Variants in HDHD2 observed in about 807,000 individuals in gnomAD.
The protein encoded by HDHD2 is haloacid dehalogenase like hydrolase domain containing 2.
Under a neutral mutation model 24.8 loss-of-function variants are expected in HDHD2, and 26 were observed. The observed-to-expected ratio is 1.05, with a 90% confidence interval of 0.77 to 1.45. The LOEUF is 1.45. HDHD2 is among the 40% of genes most tolerant of loss of function. The pLI is 0.00. For missense variants in HDHD2, 299 were observed against 313.4 expected (o/e 0.95, Z 0.35); for synonymous variants, 128 against 114.9 (o/e 1.11, Z -0.73).
intron 1 of HDHD2, among the ~76,000 whole-genome samples, chr18:47,148,067 T>G (rs990514814): frequency 6.6e-6 from 1 of 151,184 alleles, no homozygotes; most frequent in African/African-American, 2.4e-5. Flanking sequence ...CTCAGCTCAC[T>G]GCAACCTCTG....
At chr18:47,126,988 C>T (rs988211618) in intron 4 of HDHD2, among the ~76,000 whole-genome samples, 6 of 152,054 alleles carry the variant, frequency 3.9e-5, no homozygotes, top group South Asian at 2.1e-4. Context: ...GGTGAAACCC[C>T]GTCTCTACTA....
chr18:47,137,965 G>A (rs1385660519), intron 1 of HDHD2, among the ~76,000 whole-genome samples: 4 of 151,396 alleles, frequency 2.6e-5, no homozygotes, highest in East Asian at 3.9e-4. Flanking sequence ...TCAGGAGTTC[G>A]AGACCAGCGT....
chr18:47,110,805 T>A, intron 6 of HDHD2: 1 of 985,056 alleles, frequency 1.0e-6, no homozygotes, highest in Non-Finnish European at 1.2e-6. Flanking sequence ...AGAAAGATCC[T>A]ATTTTTTTTC....
At chr18:47,142,760 C>T (rs763162651) in intron 1 of HDHD2, among the ~76,000 whole-genome samples, 4 of 152,186 alleles carry the variant, frequency 2.6e-5, no homozygotes, top group Non-Finnish European at 4.4e-5. Flanking sequence ...AACCACCCCT[C>T]ACCCCTTTCT....
chr18:47,124,706 C>CAAAAAAAAA (rs34350751), intron 4 of HDHD2, among the ~76,000 whole-genome samples: 4 of 43,340 alleles, frequency 9.2e-5, no homozygotes, highest in Non-Finnish European at 1.2e-4. Context: ...AACTCTGACT[C>CAAAAAAAAA]AAAAAAAAAA....
At chr18:47,127,751 G>A (rs1305427509) in intron 4 of HDHD2, among the ~76,000 whole-genome samples, 4 of 148,222 alleles carry the variant, frequency 2.7e-5, no homozygotes, top group South Asian at 4.2e-4. Flanking sequence ...TCTCAATTCC[G>A]TTCAGGCATT....
chr18:47,113,147 T>G, intron 5 of HDHD2, 107 bp from the exon 6 acceptor site: 1 of 858,226 alleles, frequency 1.2e-6, no homozygotes, highest in Non-Finnish European at 1.9e-6. Context: ...AATGCCATGT[T>G]TTTTATTGAA....
At chr18:47,143,383 G>A (rs1275100298) in intron 1 of HDHD2, among the ~76,000 whole-genome samples, 1 of 152,158 alleles carries the variant, frequency 6.6e-6, no homozygotes, top group South Asian at 2.1e-4. Flanking sequence ...GGGCTGCAGT[G>A]GGCTATGACC....
rs545140540 is a variant in HDHD2 at position 47,132,387 on chromosome 18, A to G, written c.311-2059T>C. On this transcript the variant is annotated intron_variant, in intron 3 of 6. Coordinates refer to ENST00000300605, the MANE Select transcript of HDHD2 (RefSeq NM_032124.5). Reference sequence around the variant, plus strand: ...TGTTTCCAATCTTTCGTTATTACAAATAAGGTAGTAATGAATAACCTTGTT... The same window carrying G: ...TGTTTCCAATCTTTCGTTATTACAAGTAAGGTAGTAATGAATAACCTTGTT... Among the ~76,000 whole-genome samples, 21 of 152,282 alleles carry G rather than the reference A, an allele frequency of 1.4e-4. No individual in the cohort carries two copies. The South Asian group carries it at 4.4e-3, about 32-fold the overall frequency.
intron 1 of HDHD2, among the ~76,000 whole-genome samples, chr18:47,148,406 TTTTG>T (rs1337670485): frequency 6.6e-6 from 1 of 152,238 alleles, no homozygotes; most frequent in African/African-American, 2.4e-5. Flanking sequence ...TAGTGCCTGA[TTTTG>T]TTTATCTTGA....
intron 2 of HDHD2, 168 bp downstream of exon 2, chr18:47,136,167 ATGTT>A: frequency 1.4e-6 from 1 of 722,738 alleles, no homozygotes; most frequent in Non-Finnish European, 2.1e-6. Flanking sequence ...TTAGAAAACA[ATGTT>A]TGGAAGAAAT....
intron 4 of HDHD2, among the ~76,000 whole-genome samples, chr18:47,123,722 G>A (rs530321938): frequency 3.3e-5 from 5 of 151,290 alleles, no homozygotes; most frequent in African/African-American, 7.3e-5. Flanking sequence ...AAACAAAAAC[G>A]AAACAAAAAA....
At chr18:47,112,337 A>G (rs1331070558) in intron 6 of HDHD2, among the ~76,000 whole-genome samples, 1 of 152,076 alleles carries the variant, frequency 6.6e-6, no homozygotes, top group African/African-American at 2.4e-5. Context: ...ACAGCTAGTT[A>G]GTGCAGAGCT....
chr18:47,144,915 C>G (rs979033879), intron 1 of HDHD2, among the ~76,000 whole-genome samples: 3 of 151,898 alleles, frequency 2.0e-5, no homozygotes, highest in African/African-American at 7.2e-5. Context: ...AAGGGAGAAC[C>G]TACACAAACA....
chr18:47,128,049 T>C (rs1259753048), intron 4 of HDHD2, among the ~76,000 whole-genome samples: 2 of 102,536 alleles, frequency 2.0e-5, no homozygotes, highest in Non-Finnish European at 4.5e-5. Flanking sequence ...GAAACATCAA[T>C]ATGCAAAAAG....
intron 1 of HDHD2, among the ~76,000 whole-genome samples, chr18:47,149,581 C>G (rs2063908922): frequency 6.8e-6 from 1 of 147,218 alleles, no homozygotes; most frequent in Admixed American, 6.7e-5. Flanking sequence ...TGCAGGCGGC[C>G]AAGAGCTCTA....
At chr18:47,114,601 G>T (rs2635040) in intron 5 of HDHD2, among the ~76,000 whole-genome samples, 59,508 of 151,996 alleles carry the variant, frequency 0.39, 12,166 homozygotes, top group Middle Eastern at 0.48. Context: ...CAGGTGACCA[G>T]CCAGGGCCTC....
intron 6 of HDHD2, chr18:47,110,449 C>T (rs2147456627): frequency 1.0e-6 from 1 of 985,168 alleles, no homozygotes; most frequent in Non-Finnish European, 1.2e-6. Flanking sequence ...TTTGATCTTA[C>T]AGGTAAGTTA....
At chr18:47,127,414 G>T (rs1040194882) in intron 4 of HDHD2, among the ~76,000 whole-genome samples, 2 of 152,004 alleles carry the variant, frequency 1.3e-5, no homozygotes, top group Non-Finnish European at 2.9e-5. Flanking sequence ...GTTAACTGTC[G>T]TTCTCTTTAG....
Sources: allele counts gnomAD v4.1 joint callset (sites outside exome capture counted in the v4.1 genomes callset), GRCh38; gene constraint gnomAD v4.1.1; transcripts MANE v1.5; gene names NCBI Gene and HGNC (gene_info 2026-07-23, HGNC 2026-07-21).